The following RARB variants were observed in gnomAD, a reference collection of about 807,000 sequenced individuals.
The protein encoded by RARB is HBV-activated protein.
A neutral mutation model predicts 51.9 loss-of-function variants in RARB; 17 were observed. The observed-to-expected ratio is 0.33, with a 90% confidence interval of 0.22 to 0.49. RARB has a LOEUF of 0.49. RARB is among the 20% of genes least tolerant of loss of function. RARB has a pLI of 0.99. For missense variants in RARB, 369 were observed against 550.8 expected, an observed-to-expected ratio of 0.67 and a Z score of 3.30; for synonymous variants, 215 against 195.4, an observed-to-expected ratio of 1.10 and a Z score of -0.84.
rs545886956 is a variant in RARB at position 25,129,458 on chromosome 3, G to A, written c.-327-2703G>A. On this transcript the variant is annotated intron_variant, in intron 3 of 11. Coordinates refer to the RARB transcript ENST00000383772. ...AAATGAGATTATGTAGGTTCAATTT[G>A]TATTGAAATAACTTATCTCAAGACC... is the stretch of plus-strand genomic sequence containing the variant. 3.3e-5 allele frequency among the ~76,000 whole-genome samples: 5 copies of A among 152,096 alleles called. No homozygotes were observed. In the South Asian group the frequency reaches 1.0e-3, roughly 32 times the overall value.
At position 25,192,390 on chromosome 3, in the gene RARB, G is replaced by T. The variant is rs79071232; in HGVS notation, c.178+17815G>T. ...TAGCTATGTAAATATCCTCCCTGAT[G>T]AATGGAAGGGAAATGATGGAGCATA... On this transcript the variant is annotated intron_variant, in intron 5 of 11. Transcript: ENST00000383772. Among the ~76,000 whole-genome samples, 335 of 152,176 alleles carry T rather than the reference G, an allele frequency of 2.2e-3. 2 individuals carry two copies. Among genetic ancestry groups the T allele is most frequent in the East Asian group, 0.02 (104 of 5,152 alleles).
chr3:25,079,197 G>T (rs922236972), intron 3 of RARB, among the ~76,000 whole-genome samples: 1 of 151,734 alleles, frequency 6.6e-6, no homozygotes, highest in Non-Finnish European at 1.5e-5. Flanking sequence ...TCTAATATTT[G>T]GAAATATAAT....
chr3:25,446,348 C>A (rs1347492279), intron 1 of RARB, among the ~76,000 whole-genome samples: 2 of 152,172 alleles, frequency 1.3e-5, no homozygotes, highest in Non-Finnish European at 2.9e-5. Flanking sequence ...GTAAATAAAG[C>A]TTTCTTGGAA....
intron 2 of RARB, among the ~76,000 whole-genome samples, chr3:24,949,200 G>A (rs1244726751): frequency 6.6e-6 from 1 of 152,192 alleles, no homozygotes; most frequent in East Asian, 1.9e-4. Flanking sequence ...AAAGGTATTG[G>A]AGTATTTGCT....
At chr3:25,310,131 A>G (rs1315275547) in intron 5 of RARB, among the ~76,000 whole-genome samples, 1 of 152,168 alleles carries the variant, frequency 6.6e-6, no homozygotes, top group African/African-American at 2.4e-5. Context: ...TTGTCTGCAA[A>G]TTTGAAACCC....
intron 2 of RARB, among the ~76,000 whole-genome samples, chr3:24,984,715 C>T: frequency 6.6e-6 from 1 of 152,024 alleles, no homozygotes; most frequent in East Asian, 1.9e-4. Flanking sequence ...GTATATTATA[C>T]TAGAAATTTA....
At chr3:25,391,401 G>A (rs1044026236) in intron 5 of RARB, among the ~76,000 whole-genome samples, 2 of 151,958 alleles carry the variant, frequency 1.3e-5, no homozygotes, top group African/African-American at 2.4e-5. Context: ...TTTCCTCTAG[G>A]TAAATACTCA....
At chr3:24,923,562 A>G (rs17015453) in intron 2 of RARB, among the ~76,000 whole-genome samples, 3,773 of 151,794 alleles carry the variant, frequency 0.025, 153 homozygotes, top group African/African-American at 0.083. Context: ...AGCTCTGACA[A>G]TTTGCTTTTT....
intron 3 of RARB, among the ~76,000 whole-genome samples, chr3:25,120,315 A>C (rs1229937304): frequency 6.6e-6 from 1 of 152,152 alleles, no homozygotes; most frequent in Non-Finnish European, 1.5e-5. Context: ...TCCTTTTAAA[A>C]GGGGCAGCTG....
Position 25,239,664 on chromosome 3 carries a change from C to T in RARB, c.178+65089C>T, listed in dbSNP as rs558850129. ...TATTCTGTTCCGTTGGTCTGCGCAT[C>T]TGTTTTTATGCCAATATAATGCTGT... On this transcript the variant is annotated intron_variant, in intron 5 of 11. Transcript: ENST00000383772. 4.6e-5 allele frequency among the ~76,000 whole-genome samples: 7 copies of T among 152,252 alleles called. No homozygotes were observed. In the South Asian group the frequency reaches 1.5e-3, roughly 32 times the overall value.
rs114194585 is a variant in RARB, at chr3:24,893,831, T to C, written c.-380+35079T>C. On this transcript the variant is annotated intron_variant, in intron 2 of 11. Transcript: ENST00000383772. ...TGAGCCACCGTGCCCAGCTGTAAAATTGTTTTTATGGATGTAATCATGTGC... is the reference window on the plus strand; with the variant it reads ...TGAGCCACCGTGCCCAGCTGTAAAACTGTTTTTATGGATGTAATCATGTGC... 5.5e-3 allele frequency among the ~76,000 whole-genome samples: 840 copies of C among 152,246 alleles called. 8 individuals are homozygous for C. Among genetic ancestry groups the C allele is most frequent in the African/African-American group, 0.019 (795 of 41,544 alleles).
intron 1 of RARB, among the ~76,000 whole-genome samples, chr3:24,857,890 C>T (rs192279426): frequency 6.6e-6 from 1 of 152,196 alleles, no homozygotes; most frequent in South Asian, 2.1e-4. Flanking sequence ...TATGCCACTG[C>T]ACTCCAGCTT....
intron 1 of RARB, among the ~76,000 whole-genome samples, chr3:25,442,359 C>T (rs1708735961): frequency 6.6e-6 from 1 of 152,134 alleles, no homozygotes; most frequent in Admixed American, 6.5e-5. Context: ...TGGTCTCGAA[C>T]TCCTGACCTC....
At chr3:25,243,740 A>G (rs1702487403) in intron 5 of RARB, among the ~76,000 whole-genome samples, 1 of 152,066 alleles carries the variant, frequency 6.6e-6, no homozygotes, top group South Asian at 2.1e-4. Context: ...TTTCCCTTCG[A>G]TGTTCATCAG....
chr3:25,587,055 A>G (rs955159694), intron 5 of RARB, among the ~76,000 whole-genome samples: 7 of 152,208 alleles, frequency 4.6e-5, no homozygotes, highest in Non-Finnish European at 1.0e-4. Flanking sequence ...GCCATTTAGG[A>G]GCTGAGTGAA....
intron 1 of RARB, among the ~76,000 whole-genome samples, chr3:25,429,810 G>A (rs1358367660): frequency 6.6e-6 from 1 of 152,252 alleles, no homozygotes; most frequent in Non-Finnish European, 1.5e-5. Context: ...GTGGGAGCCT[G>A]CAGGATGCTT....
chr3:24,939,770 A>G (rs1695621350), intron 2 of RARB, among the ~76,000 whole-genome samples: 1 of 152,204 alleles, frequency 6.6e-6, no homozygotes, highest in Admixed American at 6.5e-5. Flanking sequence ...CATTGTTCCA[A>G]TACTGGAAGT....
In RARB at chr3:24,839,719, A is replaced by AGG. The variant is rs58994202; in HGVS notation, c.-459+10326_-459+10327dup. The stretch of plus-strand genomic sequence containing the variant: ...ACGCTGTCTCAAAAAAAAAAAAAAA[A>AGG]GGGGGGGGGGGTGGGGGAAGAAACA... On this transcript the variant is annotated intron_variant, in intron 1 of 11. Transcript: ENST00000383772. 8.7e-4 allele frequency among the ~76,000 whole-genome samples: 36 copies of AGG among 41,384 alleles called. 1 individual carries two copies. Among genetic ancestry groups the AGG allele is most frequent in the African/African-American group, 2.0e-3 (30 of 15,126 alleles). 27.1% of individuals were successfully genotyped at this position (41,384 alleles called of 152,430 possible).
chr3:25,204,761 T>G (rs973593066), intron 5 of RARB, among the ~76,000 whole-genome samples: 4 of 152,174 alleles, frequency 2.6e-5, no homozygotes, highest in African/African-American at 9.7e-5. Context: ...ACAGCAAATG[T>G]TGCTGCCTGA....
Sources: allele counts gnomAD v4.1 joint callset (sites outside exome capture counted in the v4.1 genomes callset), GRCh38; gene constraint gnomAD v4.1.1; transcripts MANE v1.5; gene names NCBI Gene and HGNC (gene_info 2026-07-23, HGNC 2026-07-21).